The following MAP3K4 variants were observed in gnomAD, a reference collection of about 807,000 sequenced individuals.
MAP3K4 encodes the protein mitogen-activated protein kinase kinase kinase 4.
A neutral mutation model predicts 185.6 loss-of-function variants in MAP3K4; 67 were observed. The ratio of observed to expected loss-of-function variants is 0.36; its 90% CI spans 0.30 to 0.44. MAP3K4 has a LOEUF of 0.44. Ranked by LOEUF, MAP3K4 falls within the 20% of genes least tolerant of loss-of-function variation. MAP3K4 has a pLI of 1.00. For synonymous variants in MAP3K4, 702 were observed against 710.4 expected (o/e 0.99, Z 0.19); for missense variants, 1,551 against 1,995.1 (o/e 0.78, Z 4.24).
intron 2 of MAP3K4, among the ~76,000 whole-genome samples, chr6:161,047,075 T>C (rs1378893468): frequency 6.9e-6 from 1 of 145,804 alleles, no homozygotes; most frequent in Non-Finnish European, 1.5e-5. Flanking sequence ...TTTAAAGAGA[T>C]CTTTTATACT....
intron 19 of MAP3K4, among the ~76,000 whole-genome samples, chr6:161,105,641 G>A (rs1534020): frequency 4.5e-4 from 69 of 152,070 alleles, no homozygotes; most frequent in African/African-American, 1.6e-3. Context: ...CAGGTATGAA[G>A]AAGATACTTT....
chr6:161,095,422 C>G (rs932697937), intron 15 of MAP3K4, among the ~76,000 whole-genome samples: 1 of 152,220 alleles, frequency 6.6e-6, no homozygotes, highest in Non-Finnish European at 1.5e-5. Context: ...GAGAGCACAT[C>G]AACTGTCATT....
intron 1 of MAP3K4, among the ~76,000 whole-genome samples, chr6:161,020,091 TTGAATTAGTTATGCATC>T (rs1392739283): frequency 1.3e-5 from 2 of 152,204 alleles, no homozygotes; most frequent in Non-Finnish European, 1.5e-5. Context: ...AGCATTGGCT[TTGAATTAGTTATGCATC>T]TGACACTTAT....
intron 1 of MAP3K4, among the ~76,000 whole-genome samples, chr6:161,033,992 A>C (rs1442697124): frequency 6.6e-6 from 1 of 152,152 alleles, no homozygotes; most frequent in Non-Finnish European, 1.5e-5. Context: ...GAGCTCTATA[A>C]ACAAGAGAAA....
At chr6:161,013,698 C>T (rs1223140465) in intron 1 of MAP3K4, among the ~76,000 whole-genome samples, 1 of 152,166 alleles carries the variant, frequency 6.6e-6, no homozygotes, top group Non-Finnish European at 1.5e-5. Flanking sequence ...GTGGCTGCTG[C>T]TGCAGGGCAG....
chr6:161,098,140 A>G lies in MAP3K4; in HGVS notation c.3525-138A>G. ...TTTTTCTTTTTTACACCTAGACTCAAATCTCAAAGAACAATTTGCATTTTA... is the reference window on the plus strand; with the variant it reads ...TTTTTCTTTTTTACACCTAGACTCAGATCTCAAAGAACAATTTGCATTTTA... On this transcript the variant is annotated intron_variant, in intron 16 of 26. Transcript: ENST00000392142. The surrounding 1 kb of genome is among the most constrained non-coding windows in gnomAD (Gnocchi z 4.4). The G allele has an allele frequency of 9.3e-7, 1 of 1,074,398 alleles. No individual in the cohort carries two copies. The highest frequency in any genetic ancestry group is 1.3e-6 in the Non-Finnish European group (1 of 752,304). 66.6% of individuals were successfully genotyped at this position (1,074,398 alleles called of 1,614,324 possible). A position where few individuals can be genotyped will look rare whatever the true frequency, so the allele number is the denominator to read the frequency against.
chr6:161,011,786 T>A (rs1335055100), intron 1 of MAP3K4, among the ~76,000 whole-genome samples: 1 of 152,160 alleles, frequency 6.6e-6, no homozygotes, highest in Admixed American at 6.5e-5. Context: ...ATAGTAAAGC[T>A]TAACTGTACT....
chr6:161,117,092 G>T lies in MAP3K4; in HGVS notation c.*222G>T. The T allele has an allele frequency of 1.7e-6, 1 of 589,634 alleles. No individual in the cohort carries two copies. The highest frequency in any genetic ancestry group is 3.0e-6 in the Non-Finnish European group (1 of 330,612). The allele number at this position is 589,634 out of a possible 1,614,324, so 36.5% of individuals were successfully genotyped here. A position where few individuals can be genotyped will look rare whatever the true frequency, so the allele number is the denominator to read the frequency against. On this transcript the variant is annotated 3_prime_UTR_variant, in exon 27 of 27. Coordinates refer to ENST00000392142, the MANE Select transcript of MAP3K4 (RefSeq NM_005922.4). ...CGAGGTTAAAGAAGCTGCATGTTAA[G>T]TGCCATTACTACTGTACACGGACCA... is the stretch of plus-strand genomic sequence containing the variant.
intron 2 of MAP3K4, among the ~76,000 whole-genome samples, chr6:161,039,279 CAAAAAAA>C (rs3050259): frequency 1.4e-5 from 1 of 71,948 alleles, no homozygotes; most frequent in African/African-American, 4.9e-5. Context: ...CGCAAAAATG[CAAAAAAA>C]AAAAAAAAAA....
At chr6:161,104,878 A>T (rs1777997418) in intron 19 of MAP3K4, among the ~76,000 whole-genome samples, 1 of 152,212 alleles carries the variant, frequency 6.6e-6, no homozygotes, top group African/African-American at 2.4e-5. Context: ...CGTATTTTAA[A>T]TAAATGAGTG....
chr6:161,094,800 G>A (rs530082912), intron 15 of MAP3K4, among the ~76,000 whole-genome samples: 1 of 152,274 alleles, frequency 6.6e-6, no homozygotes, highest in South Asian at 2.1e-4. Flanking sequence ...TTTATATAAA[G>A]CATGCTATTG....
intron 6 of MAP3K4, among the ~76,000 whole-genome samples, chr6:161,083,641 A>T (rs977497205): frequency 3.3e-5 from 5 of 152,076 alleles, no homozygotes; most frequent in Non-Finnish European, 5.9e-5. Context: ...TGCTTGCTTG[A>T]CTACATCTTC....
intron 1 of MAP3K4, among the ~76,000 whole-genome samples, chr6:161,030,774 T>A (rs1288175639): frequency 2.6e-5 from 4 of 152,218 alleles, no homozygotes; most frequent in African/African-American, 7.2e-5. Flanking sequence ...GCTAGACTCT[T>A]TTTAAAAGAA....
At chr6:161,010,540 A>T (rs1009210460) in intron 1 of MAP3K4, among the ~76,000 whole-genome samples, 3 of 152,110 alleles carry the variant, frequency 2.0e-5, no homozygotes, top group African/African-American at 7.2e-5. Flanking sequence ...ATTCCATTAA[A>T]TTTTGTTTTC....
At position 161,051,287 on chromosome 6, in the gene MAP3K4, A is replaced by C. The variant is rs1783992008; in HGVS notation, c.1707+1308A>C. ...CAGCCTGGCTTGCTTTAAATTCATT[A>C]ACGATAAACAACTTGGAAACTATGG... On this transcript the variant is annotated intron_variant, in intron 3 of 26. Transcript: ENST00000392142. The surrounding 1 kb of genome is among the most constrained non-coding windows in gnomAD (Gnocchi z 4.2). Among the ~76,000 whole-genome samples the C allele has an allele frequency of 6.6e-6, 1 of 152,070 alleles. No individual in the cohort carries two copies. The highest frequency in any genetic ancestry group is 1.5e-5 in the Non-Finnish European group (1 of 68,008).
rs779426667 is a variant in MAP3K4 at position 161,049,095 on chromosome 6, C to T, written c.823C>T (p.Arg275Trp). 2.1e-5 allele frequency: 34 copies of T among 1,614,022 alleles called. No homozygotes were observed. The highest frequency in any genetic ancestry group is 1.6e-4 in the Middle Eastern group (1 of 6,084). ...WLELQAWHAG[R>W]TINDQDFFLY... ...AGAGCTACAAGCCTGGCATGCAGGA[C>T]GGACAATTAACGACCAGGACTTCTT... Residue 275 changes from arginine to tryptophan, a missense_variant, in exon 3 of 27, where the codon CGG (arginine) becomes TGG (tryptophan). Physicochemically the swap from Arg to Trp is moderately radical, Grantham distance 101. This residue lies in a region of MAP3K4 where 69 missense variants were observed against 124.8 expected (regional missense o/e 0.55). Transcript: ENST00000392142. This position sits in a 1 kb window ranked among gnomAD's most constrained non-coding sequence, Gnocchi z 8.4.
At chr6:161,021,466 C>T (rs983135115) in intron 1 of MAP3K4, among the ~76,000 whole-genome samples, 1 of 152,226 alleles carries the variant, frequency 6.6e-6, no homozygotes, top group Non-Finnish European at 1.5e-5. Flanking sequence ...AGCAGCCCCC[C>T]ACTTTCTGCC....
At chr6:161,069,930 A>G (rs776777492) in intron 3 of MAP3K4, among the ~76,000 whole-genome samples, 12 of 151,936 alleles carry the variant, frequency 7.9e-5, no homozygotes, top group Non-Finnish European at 1.6e-4. Flanking sequence ...CAGATCCCCT[A>G]CTTTATGGGG....
In MAP3K4 at chr6:161,093,124, A is replaced by G. The variant is rs1777403901; in HGVS notation, c.3348+68A>G. ...GTCACTCCTTATTTTCTGGTTGTAT[A>G]TGTTTTATATGTAATAGTGGTTTTT... On this transcript the variant is annotated intron_variant, in intron 14 of 26. Transcript: ENST00000392142. This position sits in a 1 kb window ranked among gnomAD's most constrained non-coding sequence, Gnocchi z 5.2. 5.9e-6 allele frequency: 6 copies of G among 1,019,220 alleles called. No individual in the cohort carries two copies. The highest frequency in any genetic ancestry group is 1.6e-5 in the African/African-American group (1 of 61,654). 63.1% of individuals were successfully genotyped at this position (1,019,220 alleles called of 1,614,324 possible).
Sources: gnomAD v4.1 joint callset for allele counts (sites outside exome capture counted in the v4.1 genomes callset) on GRCh38, gnomAD v4.1.1 for gene constraint, gnomAD v4.1.1 regional missense constraint, Gnocchi (gnomAD v3.1) non-coding constraint, MANE v1.5 for transcripts, NCBI Gene and HGNC (gene_info 2026-07-23, HGNC 2026-07-21) for gene names.